Variants in ADAMTSL1 observed in about 807,000 individuals in gnomAD.
ADAMTSL1 encodes the protein ADAMTS like 1.
A neutral mutation model predicts 201.8 loss-of-function variants in ADAMTSL1; 126 were observed. The ratio of observed to expected loss-of-function variants is 0.62; its 90% confidence interval spans 0.54 to 0.72. The LOEUF is 0.72. ADAMTSL1 is among the 30% of genes least tolerant of loss of function. The probability of loss-of-function intolerance (pLI) is 0.00; values close to 1 mark genes in which losing one functional copy is unlikely to be tolerated. For missense variants in ADAMTSL1, 2,679 were observed against 2,277.8 expected, an observed-to-expected ratio of 1.18 and a Z score of -3.59; for synonymous variants, 1,121 against 903.4, an observed-to-expected ratio of 1.24 and a Z score of -4.32.
chr9:18,192,864 T>G (rs1053802469), intron 2 of ADAMTSL1, among the ~76,000 whole-genome samples: 2 of 152,200 alleles, frequency 1.3e-5, no homozygotes, highest in Admixed American at 6.5e-5. Flanking sequence ...ATGCATTTAT[T>G]GAGCAGCTTA....
chr9:18,012,320 C>A (rs58805966), intron 1 of ADAMTSL1, among the ~76,000 whole-genome samples: 7,589 of 152,076 alleles, frequency 0.05, 404 homozygotes, highest in East Asian at 0.3. Flanking sequence ...CTGGTGTGTG[C>A]ATTCCAAGCA....
chr9:18,482,536 A>G (rs924006760), intron 1 of ADAMTSL1, among the ~76,000 whole-genome samples: 6 of 152,236 alleles, frequency 3.9e-5, no homozygotes, highest in African/African-American at 1.2e-4. Context: ...AAAGAGCGTG[A>G]TAACCTAAGA....
At chr9:18,645,487 G>C (rs1467433195) in intron 7 of ADAMTSL1, among the ~76,000 whole-genome samples, 1 of 150,724 alleles carries the variant, frequency 6.6e-6, no homozygotes, top group Non-Finnish European at 1.5e-5. Context: ...GAATGGTAAT[G>C]CCTAGGTTTT....
chr9:17,919,620 G>A (rs1208362750), intron 1 of ADAMTSL1, among the ~76,000 whole-genome samples: 2 of 151,928 alleles, frequency 1.3e-5, no homozygotes, highest in East Asian at 3.9e-4. Context: ...ATGTGTTTAA[G>A]GTTTATCCAA....
At chr9:18,012,110 G>C (rs1038596105) in intron 1 of ADAMTSL1, among the ~76,000 whole-genome samples, 1 of 152,054 alleles carries the variant, frequency 6.6e-6, no homozygotes, top group Non-Finnish European at 1.5e-5. Flanking sequence ...GGTGCTCTTT[G>C]TGGGGTTACA....
At chr9:18,135,916 A>G (rs747755538) in intron 1 of ADAMTSL1, among the ~76,000 whole-genome samples, 7 of 152,090 alleles carry the variant, frequency 4.6e-5, no homozygotes, top group African/African-American at 1.7e-4. Flanking sequence ...CCCTCACTCA[A>G]TCCTCACAAA....
intron 2 of ADAMTSL1, among the ~76,000 whole-genome samples, chr9:18,525,102 A>T (rs185028292): frequency 0.023 from 3,477 of 149,792 alleles, 122 homozygotes; most frequent in African/African-American, 0.081. Context: ...GCTATTAATT[A>T]TTGCCTCAAT....
intron 16 of ADAMTSL1, among the ~76,000 whole-genome samples, chr9:18,763,434 C>G (rs1222084855): frequency 6.6e-6 from 1 of 152,092 alleles, no homozygotes; most frequent in Non-Finnish European, 1.5e-5. Flanking sequence ...AATATTTACT[C>G]CCATTCTGTG....
intron 2 of ADAMTSL1, among the ~76,000 whole-genome samples, chr9:18,226,665 C>A (rs1330874348): frequency 1.3e-5 from 2 of 152,080 alleles, no homozygotes; most frequent in Non-Finnish European, 2.9e-5. Context: ...TGAGGCTCTC[C>A]CCATTCAGCC....
intron 2 of ADAMTSL1, among the ~76,000 whole-genome samples, chr9:18,238,220 T>C (rs1162131546): frequency 6.6e-6 from 1 of 152,218 alleles, no homozygotes; most frequent in Non-Finnish European, 1.5e-5. Context: ...TTCTGTGAAA[T>C]GGTTAAGATT....
chr9:18,196,161 A>G (rs1259250214), intron 2 of ADAMTSL1, among the ~76,000 whole-genome samples: 1 of 152,094 alleles, frequency 6.6e-6, no homozygotes, highest in Non-Finnish European at 1.5e-5. Flanking sequence ...ATGAAGTTAG[A>G]GAGGTCTCCA....
chr9:18,879,324 A>G (rs1011885302), intron 23 of ADAMTSL1, among the ~76,000 whole-genome samples: 3 of 152,240 alleles, frequency 2.0e-5, no homozygotes, highest in African/African-American at 7.2e-5. Flanking sequence ...ACTGAAACCT[A>G]GAGTTCTCCT....
At chr9:18,656,115 C>T (rs1053627345) in intron 7 of ADAMTSL1, among the ~76,000 whole-genome samples, 1 of 152,016 alleles carries the variant, frequency 6.6e-6, no homozygotes, top group Non-Finnish European at 1.5e-5. Flanking sequence ...CTCAGACTTT[C>T]TGAGAAACAT....
chr9:18,533,127 A>G (rs1217374550), intron 2 of ADAMTSL1, 120 bp from the exon 3 acceptor site: 2 of 666,988 alleles, frequency 3.0e-6, no homozygotes, highest in Admixed American at 3.0e-5. Context: ...CTCTAAGAAC[A>G]TGCTTAGAAG....
chr9:18,167,626 A>G (rs1827692667), intron 2 of ADAMTSL1, among the ~76,000 whole-genome samples: 1 of 151,996 alleles, frequency 6.6e-6, no homozygotes, highest in Non-Finnish European at 1.5e-5. Flanking sequence ...GTGGGGCAGT[A>G]TTATTTCTAC....
intron 2 of ADAMTSL1, among the ~76,000 whole-genome samples, chr9:18,222,027 A>G (rs1222831255): frequency 6.6e-6 from 1 of 152,018 alleles, no homozygotes; most frequent in African/African-American, 2.4e-5. Flanking sequence ...TTATATAACC[A>G]TTTATACCCT....
Position 18,333,445 on chromosome 9 carries a change from A to G in ADAMTSL1, c.207+169464A>G, listed in dbSNP as rs148774409. On this transcript the variant is annotated intron_variant, in intron 2 of 29. Transcript: ENST00000680146. ...ATTGTAAGTTTCCTGAGGACTCCCCAGCCATGTGGAATTGTGAGTCAAACC... is the reference window on the plus strand; with the variant it reads ...ATTGTAAGTTTCCTGAGGACTCCCCGGCCATGTGGAATTGTGAGTCAAACC... Among the ~76,000 whole-genome samples the G allele has an allele frequency of 5.5e-3, 844 of 152,300 alleles. 9 individuals carry two copies. The highest frequency in any genetic ancestry group is 0.02 in the African/African-American group (815 of 41,574).
chr9:18,013,041 A>G (rs1451976031), intron 1 of ADAMTSL1, among the ~76,000 whole-genome samples: 11 of 148,836 alleles, frequency 7.4e-5, no homozygotes, highest in African/African-American at 2.7e-4. Flanking sequence ...TCCTTTTCTT[A>G]TCTCCATTAC....
At position 18,908,477 on chromosome 9, in the gene ADAMTSL1, G is replaced by A. The variant is rs531343862; in HGVS notation, c.5218G>A (p.Val1740Met). The change falls in exon 29 of 29, where the codon GTG (valine) becomes ATG (methionine). Residue 1740 changes from valine (V) to methionine (M), a missense_variant. Val to Met is a conservative substitution (Grantham distance 21, BLOSUM62 1). Coordinates refer to ENST00000380548, the MANE Select transcript of ADAMTSL1 (RefSeq NM_001040272.6). ...CRDTTRYCEK[V>M]KQLKLCQLSQ... ...AGACACCACCAGGTACTGCGAGAAGGTGAAACAGCTGAAACTCTGCCAACT... is the reference window on the plus strand; with the variant it reads ...AGACACCACCAGGTACTGCGAGAAGATGAAACAGCTGAAACTCTGCCAACT... The A allele has an allele frequency of 1.3e-6, 2 of 1,563,678 alleles. No individual in the cohort carries two copies. Among genetic ancestry groups the A allele is most frequent in the East Asian group, 2.4e-5 (1 of 41,698 alleles).
Sources: allele counts gnomAD v4.1 joint callset (sites outside exome capture counted in the v4.1 genomes callset), GRCh38; gene constraint gnomAD v4.1.1; transcripts MANE v1.5; gene names NCBI Gene and HGNC (gene_info 2026-07-23, HGNC 2026-07-21).